ANGPT1: variants seen among roughly 807,000 people sequenced by gnomAD.
ANGPT1 encodes the protein angiopoietin-1.
Under a neutral mutation model 62.2 loss-of-function variants are expected in ANGPT1, and 17 were observed. That is an observed-to-expected ratio of 0.27 (90% CI 0.19 to 0.41). The LOEUF (loss-of-function observed/expected upper bound fraction) is 0.41, where lower values mean the gene tolerates loss of function less well. ANGPT1 is among the 10% of genes least tolerant of loss of function. The pLI is 1.00. For missense variants in ANGPT1, 478 were observed against 594.9 expected (o/e 0.80, Z 2.04); for synonymous variants, 199 against 198.9 (o/e 1.00, Z 0.00).
intron 1 of ANGPT1, among the ~76,000 whole-genome samples, chr8:107,374,099 A>T (rs1452463764): frequency 1.3e-5 from 2 of 152,140 alleles, no homozygotes; most frequent in African/African-American, 2.4e-5. Context: ...TCTTTTTTAT[A>T]TATGCTGCCT....
chr8:107,261,382 G>T (rs1430851926), intron 8 of ANGPT1, among the ~76,000 whole-genome samples: 1 of 152,042 alleles, frequency 6.6e-6, no homozygotes, highest in African/African-American at 2.4e-5. Context: ...TGTTAAATAT[G>T]ATGCCAAAAG....
intron 1 of ANGPT1, among the ~76,000 whole-genome samples, chr8:107,419,167 T>TA (rs1308541132): frequency 6.6e-6 from 1 of 152,104 alleles, no homozygotes; most frequent in African/African-American, 2.4e-5. Context: ...CAGGACTCAG[T>TA]GAAACTCCTA....
intron 1 of ANGPT1, among the ~76,000 whole-genome samples, chr8:107,387,712 T>C (rs1816758047): frequency 6.6e-6 from 1 of 152,024 alleles, no homozygotes; most frequent in Non-Finnish European, 1.5e-5. Flanking sequence ...GTAGGAAATG[T>C]TGAAAGAATT....
At chr8:107,312,897 T>C (rs1403678337) in intron 4 of ANGPT1, among the ~76,000 whole-genome samples, 1 of 152,122 alleles carries the variant, frequency 6.6e-6, no homozygotes, top group African/African-American at 2.4e-5. Flanking sequence ...TGCTCCCAGA[T>C]ACTGGAGAGA....
chr8:107,469,282 G>A (rs1027345707), intron 1 of ANGPT1, among the ~76,000 whole-genome samples: 1 of 151,904 alleles, frequency 6.6e-6, no homozygotes, highest in African/African-American at 2.4e-5. Context: ...ATTGTCCTGT[G>A]TATCTCTTCT....
intron 4 of ANGPT1, among the ~76,000 whole-genome samples, chr8:107,304,445 A>AG (rs1814667099): frequency 6.6e-6 from 1 of 151,740 alleles, no homozygotes; most frequent in Non-Finnish European, 1.5e-5. Flanking sequence ...CTATCAATAA[A>AG]TATCTGCATT....
At chr8:107,317,906 C>G (rs981589488) in intron 4 of ANGPT1, among the ~76,000 whole-genome samples, 1 of 152,212 alleles carries the variant, frequency 6.6e-6, no homozygotes, top group African/African-American at 2.4e-5. Flanking sequence ...TCTGGGATTA[C>G]AGGCATGAGC....
intron 1 of ANGPT1, among the ~76,000 whole-genome samples, chr8:107,474,535 T>C (rs957788742): frequency 2.2e-4 from 33 of 152,306 alleles, no homozygotes; most frequent in African/African-American, 7.9e-4. Flanking sequence ...AAGACAGGGA[T>C]GACCTCTCTC....
At chr8:107,371,802 A>G (rs1028704779) in intron 1 of ANGPT1, among the ~76,000 whole-genome samples, 2 of 152,034 alleles carry the variant, frequency 1.3e-5, no homozygotes, top group Non-Finnish European at 2.9e-5. Flanking sequence ...GCATTTACCC[A>G]GGACTGCCTT....
At chr8:107,452,814 A>T (rs1465449486) in intron 1 of ANGPT1, among the ~76,000 whole-genome samples, 1 of 152,044 alleles carries the variant, frequency 6.6e-6, no homozygotes, top group African/African-American at 2.4e-5. Context: ...ATGAGATTAA[A>T]TATATTTGAC....
intron 1 of ANGPT1, among the ~76,000 whole-genome samples, chr8:107,431,504 T>C (rs1005157000): frequency 2.6e-5 from 4 of 152,208 alleles, no homozygotes; most frequent in African/African-American, 9.6e-5. Context: ...TCACATTACA[T>C]GTCCTGCCAG....
At chr8:107,299,854 T>C (rs150000906) in intron 5 of ANGPT1, among the ~76,000 whole-genome samples, 3,968 of 36,298 alleles carry the variant, frequency 0.11, 1,235 homozygotes, top group East Asian at 0.15. Flanking sequence ...TACTATATAT[T>C]TAGATATGTA....
intron 1 of ANGPT1, among the ~76,000 whole-genome samples, chr8:107,485,603 T>C (rs1176906842): frequency 6.6e-6 from 1 of 152,206 alleles, no homozygotes; most frequent in Non-Finnish European, 1.5e-5. Context: ...AATATTTTCA[T>C]TAATAGGGAC....
chr8:107,399,372 A>G (rs1816998260), intron 1 of ANGPT1, among the ~76,000 whole-genome samples: 1 of 152,212 alleles, frequency 6.6e-6, no homozygotes, highest in African/African-American at 2.4e-5. Flanking sequence ...GAATGTTATA[A>G]CATGTTAAGT....
At chr8:107,422,137 C>T (rs938422551) in intron 1 of ANGPT1, among the ~76,000 whole-genome samples, 5 of 152,080 alleles carry the variant, frequency 3.3e-5, no homozygotes, top group African/African-American at 9.7e-5. Flanking sequence ...AACATAAAAT[C>T]GTTACCTTAG....
At chr8:107,450,525 C>G (rs954046894) in intron 1 of ANGPT1, among the ~76,000 whole-genome samples, 1 of 151,932 alleles carries the variant, frequency 6.6e-6, no homozygotes, top group Non-Finnish European at 1.5e-5. Flanking sequence ...ATTTTCCTCC[C>G]CAGTTTGGAT....
chr8:107,436,475 C>T (rs1486522248), intron 1 of ANGPT1, among the ~76,000 whole-genome samples: 1 of 152,178 alleles, frequency 6.6e-6, no homozygotes, highest in Non-Finnish European at 1.5e-5. Flanking sequence ...TTCTGGGTCT[C>T]ACGTTATTCA....
At chr8:107,456,013 C>T (rs1369463986) in intron 1 of ANGPT1, among the ~76,000 whole-genome samples, 1 of 151,940 alleles carries the variant, frequency 6.6e-6, no homozygotes, top group East Asian at 1.9e-4. Flanking sequence ...TGAAATGTAC[C>T]TCGGAGATCT....
intron 3 of ANGPT1, among the ~76,000 whole-genome samples, chr8:107,325,051 A>G (rs989690312): frequency 6.6e-6 from 1 of 152,190 alleles, no homozygotes; most frequent in African/African-American, 2.4e-5. Flanking sequence ...CAACATCTGT[A>G]AGGGGTAGGT....
Sources: allele counts gnomAD v4.1 joint callset (sites outside exome capture counted in the v4.1 genomes callset), GRCh38; gene constraint gnomAD v4.1.1; transcripts MANE v1.5; gene names NCBI Gene and HGNC (gene_info 2026-07-23, HGNC 2026-07-21).